Variants in SLIT1 observed in about 807,000 individuals in gnomAD.
SLIT1 encodes slit homolog 1 protein.
Under a neutral mutation model 186.1 loss-of-function variants are expected in SLIT1, and 66 were observed. The ratio of observed to expected loss-of-function variants is 0.35; its 90% CI spans 0.29 to 0.44. The LOEUF is 0.44. SLIT1 is among the 20% of genes least tolerant of loss of function. The probability of loss-of-function intolerance (pLI) is 1.00; values close to 1 mark genes in which losing one functional copy is unlikely to be tolerated. For synonymous variants in SLIT1, 761 were observed against 833.8 expected (o/e 0.91, Z 1.50); for missense variants, 1,638 against 2,037.4 (o/e 0.80, Z 3.77).
Position 97,006,255 on chromosome 10 carries a change from C to T in SLIT1, c.3579+228G>A, listed in dbSNP as rs917330412. ...GCCTGGTTTTCTGGATTCAGTTACCCATGAGACCATGTCCACCCCTGCCCT... is the reference window on the plus strand; with the variant it reads ...GCCTGGTTTTCTGGATTCAGTTACCTATGAGACCATGTCCACCCCTGCCCT... On this transcript the variant is annotated intron_variant, in intron 32 of 36. Coordinates refer to ENST00000266058, the MANE Select transcript of SLIT1 (RefSeq NM_003061.3). This position sits in a 1 kb window ranked among gnomAD's most constrained non-coding sequence, Gnocchi z 4.0. Among the ~76,000 whole-genome samples, 3 of 152,224 alleles carry T rather than the reference C, an allele frequency of 2.0e-5. No homozygotes were observed. The highest frequency in any genetic ancestry group is 7.2e-5 in the African/African-American group (3 of 41,452).
intron 4 of SLIT1, among the ~76,000 whole-genome samples, chr10:97,145,967 C>A (rs1849813179): frequency 6.6e-6 from 1 of 152,210 alleles, no homozygotes; most frequent in Admixed American, 6.5e-5. Flanking sequence ...ATACTTTTCC[C>A]ACCCCACCCC....
chr10:97,076,698 C>T (rs1849049343), intron 4 of SLIT1, among the ~76,000 whole-genome samples: 1 of 152,216 alleles, frequency 6.6e-6, no homozygotes, highest in African/African-American at 2.4e-5. Context: ...CCTTGGGCCT[C>T]AACCCAGAGG....
chr10:97,014,769 G>A (rs1848440371), intron 28 of SLIT1, among the ~76,000 whole-genome samples: 1 of 152,102 alleles, frequency 6.6e-6, no homozygotes, highest in Non-Finnish European at 1.5e-5. Context: ...GGGAGGCTGA[G>A]GCAGGAGAAT....
At position 96,998,207 on chromosome 10, in the gene SLIT1, G is replaced by A. The variant is rs1848264786; in HGVS notation, c.*2905C>T. 6.6e-6 allele frequency: 1 copy of A among 152,158 alleles called. No individual in the cohort carries two copies. Among genetic ancestry groups the A allele is most frequent in the Non-Finnish European group, 1.5e-5 (1 of 68,034 alleles). 9.4% of individuals were successfully genotyped at this position (152,158 alleles called of 1,614,324 possible). On this transcript the variant is annotated 3_prime_UTR_variant, in exon 37 of 37. Coordinates refer to ENST00000266058, the MANE Select transcript of SLIT1 (RefSeq NM_003061.3). ...AGAAACCCCCAACAAAACGTGCCACGACCACATAGCATCTGAAAGGCAAAA... is the reference window on the plus strand; with the variant it reads ...AGAAACCCCCAACAAAACGTGCCACAACCACATAGCATCTGAAAGGCAAAA...
Position 97,125,873 on chromosome 10 carries a change from C to G in SLIT1, c.413+31945G>C, listed in dbSNP as rs73322781. ...AAAAAAAAACAAAAAAAACAAGAGT[C>G]TGAGTCTGTGGTGCTAAGAACAGGA... On this transcript the variant is annotated intron_variant, in intron 4 of 36. Coordinates refer to ENST00000266058, the MANE Select transcript of SLIT1 (RefSeq NM_003061.3). Among the ~76,000 whole-genome samples the G allele has an allele frequency of 9.2e-3, 1,393 of 152,082 alleles. 24 individuals carry two copies. Among genetic ancestry groups the G allele is most frequent in the African/African-American group, 0.032 (1,320 of 41,476 alleles).
At chr10:97,017,721 G>T (rs940129180) in intron 28 of SLIT1, among the ~76,000 whole-genome samples, 25 of 152,356 alleles carry the variant, frequency 1.6e-4, no homozygotes, top group Admixed American at 1.2e-3. Flanking sequence ...GGCAGCCCCA[G>T]CTGTGTCTCA....
At chr10:97,124,312 C>T (rs1849585382) in intron 4 of SLIT1, among the ~76,000 whole-genome samples, 1 of 152,160 alleles carries the variant, frequency 6.6e-6, no homozygotes, top group South Asian at 2.1e-4. Context: ...AGCCTTTGGA[C>T]ATTCAAAAGT....
chr10:97,103,374 A>C (rs1263758107), intron 4 of SLIT1: 2 of 150,160 alleles, frequency 1.3e-5, no homozygotes, highest in African/African-American at 4.9e-5. Context: ...TCTGCTGAAA[A>C]CCCCCAACAC....
At chr10:97,158,773 G>C (rs1270918845) in intron 3 of SLIT1, among the ~76,000 whole-genome samples, 1 of 151,962 alleles carries the variant, frequency 6.6e-6, no homozygotes. Context: ...CCAGCAACTC[G>C]GGAGGCTGAG....
intron 8 of SLIT1, 102 bp downstream of exon 8, chr10:97,063,353 G>A: frequency 7.6e-7 from 1 of 1,312,718 alleles, no homozygotes; most frequent in Non-Finnish European, 1.1e-6. Context: ...GGGTCAGGAG[G>A]TGATGGGCAG....
At chr10:97,144,874 T>C (rs1423423635) in intron 4 of SLIT1, among the ~76,000 whole-genome samples, 1 of 152,154 alleles carries the variant, frequency 6.6e-6, no homozygotes, top group Non-Finnish European at 1.5e-5. Context: ...ACATGCTCCA[T>C]ACAATCACCC....
At chr10:97,031,848 G>T (rs532506070) in intron 23 of SLIT1, among the ~76,000 whole-genome samples, 171 bp from the exon 24 acceptor site, 10 of 152,376 alleles carry the variant, frequency 6.6e-5, no homozygotes, top group African/African-American at 2.2e-4. Context: ...TAAGAAGCTG[G>T]TGGTCTTGGG....
At position 97,092,652 on chromosome 10, in the gene SLIT1, A is replaced by G. The variant is rs1849245543; in HGVS notation, c.414-26566T>C. Among the ~76,000 whole-genome samples, 4 of 152,228 alleles carry G rather than the reference A, an allele frequency of 2.6e-5. No individual in the cohort carries two copies. The South Asian group carries it at 8.3e-4, about 31-fold the overall frequency. On this transcript the variant is annotated intron_variant, in intron 4 of 36. Transcript: ENST00000266058. ...AGGGATTCTTACCTACTGTGTTGCC[A>G]ATTATTCCAAGCTTCTGGAAGAGAG...
intron 4 of SLIT1, among the ~76,000 whole-genome samples, chr10:97,125,251 C>T (rs567970731): frequency 1.3e-5 from 2 of 151,802 alleles, no homozygotes; most frequent in Non-Finnish European, 2.9e-5. Flanking sequence ...CAGAGTCAGA[C>T]AAACAAGGAC....
intron 4 of SLIT1, among the ~76,000 whole-genome samples, chr10:97,118,059 T>C (rs1294325230): frequency 2.0e-5 from 3 of 151,968 alleles, no homozygotes; most frequent in South Asian, 2.1e-4. Context: ...AATCTTTGCA[T>C]TTACTATTTA....
chr10:97,065,265 G>A (rs895366633), intron 5 of SLIT1, among the ~76,000 whole-genome samples: 1 of 152,120 alleles, frequency 6.6e-6, no homozygotes, highest in African/African-American at 2.4e-5. Flanking sequence ...CAGCCTGAGT[G>A]CCAAAGAGGT....
At position 97,022,377 on chromosome 10, in the gene SLIT1, G is replaced by A. The variant is rs1306905339; in HGVS notation, c.2583-964C>T. Among the ~76,000 whole-genome samples the A allele has an allele frequency of 6.6e-6, 1 of 152,192 alleles. No individual in the cohort carries two copies. Among genetic ancestry groups the A allele is most frequent in the Non-Finnish European group, 1.5e-5 (1 of 68,042 alleles). On this transcript the variant is annotated intron_variant, in intron 25 of 36. Coordinates refer to ENST00000266058, the MANE Select transcript of SLIT1 (RefSeq NM_003061.3). This position sits in a 1 kb window ranked among gnomAD's most constrained non-coding sequence, Gnocchi z 4.2. ...TTCAAGCATTGCAGACAAAGCAAGT[G>A]TCTGCCCTGCACAACACTGTGAATG...
Position 97,040,000 on chromosome 10 carries a change from T to C in SLIT1, c.2285A>G (p.Asn762Ser). The change falls in exon 21 of 37, where the codon AAT (asparagine) becomes AGT (serine). Residue 762 changes from asparagine to serine, a missense_variant. Around this residue, in one of 3 missense-constraint regions of SLIT1, gnomAD observed 1,245 missense variants for 1,535.3 expected, o/e 0.81. Transcript: ENST00000266058. ...LRALPKGIPK[N>S]VTELYLDGNQ... Reference sequence around the variant, plus strand: ...TTGAGCTACTCACAGTTCTGTGACATTCTTGGGAATGCCCTTGGGCAGGGC... The same window carrying C: ...TTGAGCTACTCACAGTTCTGTGACACTCTTGGGAATGCCCTTGGGCAGGGC... 1 of 1,613,762 alleles carries C rather than the reference T, an allele frequency of 6.2e-7. No individual in the cohort carries two copies. Among genetic ancestry groups the C allele is most frequent in the African/African-American group, 1.3e-5 (1 of 75,036 alleles).
chr10:97,174,622 A>AC (rs1850233159), intron 1 of SLIT1, among the ~76,000 whole-genome samples: 1 of 152,196 alleles, frequency 6.6e-6, no homozygotes, highest in Non-Finnish European at 1.5e-5. Flanking sequence ...GCTCCTGGGG[A>AC]CCCATCTTGT....
Sources: allele counts gnomAD v4.1 joint callset (sites outside exome capture counted in the v4.1 genomes callset), GRCh38; gene constraint gnomAD v4.1.1; regional missense constraint gnomAD v4.1.1; non-coding constraint Gnocchi (gnomAD v3.1); transcripts MANE v1.5; gene names NCBI Gene and HGNC (gene_info 2026-07-23, HGNC 2026-07-21).